CCDC69: variants seen among roughly 807,000 people sequenced by gnomAD.
The protein encoded by CCDC69 is coiled-coil domain containing 69, also known as coiled-coil domain-containing protein 69.
CCDC69 carries 38 observed loss-of-function variants against 40.3 expected under a neutral mutation model. The ratio of observed to expected loss-of-function variants is 0.94; its 90% CI spans 0.73 to 1.24. CCDC69 has a LOEUF of 1.24. Ranked by LOEUF, CCDC69 falls within the 50% of genes most tolerant of loss-of-function variation. CCDC69 has a pLI of 0.00. For missense variants in CCDC69, 389 were observed against 357.9 expected, an observed-to-expected ratio of 1.09 and a Z score of -0.70; for synonymous variants, 141 against 138.9, an observed-to-expected ratio of 1.02 and a Z score of -0.11.
chr5:151,213,892 T>G (rs1752993216), intron 1 of CCDC69, among the ~76,000 whole-genome samples: 1 of 152,216 alleles, frequency 6.6e-6, no homozygotes, highest in Non-Finnish European at 1.5e-5. Context: ...CCTGGCTTCC[T>G]CTGAGCATGT....
In CCDC69 at chr5:151,222,192, C is replaced by A. The variant is rs569709432; in HGVS notation, c.48+1731G>T. Among the ~76,000 whole-genome samples, 65 of 152,358 alleles carry A rather than the reference C, an allele frequency of 4.3e-4. No individual in the cohort carries two copies. In the Middle Eastern group the frequency reaches 0.014, roughly 32 times the overall value. On this transcript the variant is annotated intron_variant, in intron 1 of 8. Transcript: ENST00000355417. ...AGTCATGCTCCTTCCCTTTTCTAGG[C>A]CTTAACCTCCTATCTGTATAGTGGG...
chr5:151,182,850 C>G lies in CCDC69; in HGVS notation c.*587G>C, dbSNP rs906490578. ...GGGCCTTCAGAGACCCCCTCTCTAC[C>G]ACTCACCTTCCCCACTCTGATTTGC... is the stretch of plus-strand genomic sequence containing the variant. On this transcript the variant is annotated 3_prime_UTR_variant, in exon 9 of 9. Transcript: ENST00000355417. 21 of 355,760 alleles carry G rather than the reference C, an allele frequency of 5.9e-5. No individual in the cohort carries two copies. The highest frequency in any genetic ancestry group is 1.1e-4 in the Non-Finnish European group (19 of 179,164). 22.0% of individuals were successfully genotyped at this position (355,760 alleles called of 1,614,324 possible).
At chr5:151,192,170 G>A (rs1293124517) in intron 4 of CCDC69, among the ~76,000 whole-genome samples, 1 of 102,968 alleles carries the variant, frequency 9.7e-6, no homozygotes, top group African/African-American at 3.7e-5. Flanking sequence ...CAGAAGGAAG[G>A]AAATGAAAAT....
At chr5:151,220,003 T>TG (rs1254862131) in intron 1 of CCDC69, among the ~76,000 whole-genome samples, 1 of 152,116 alleles carries the variant, frequency 6.6e-6, no homozygotes, top group Non-Finnish European at 1.5e-5. Flanking sequence ...TGTGCTGCCT[T>TG]CTGGAACAAC....
chr5:151,197,307 C>G (rs1752713481), intron 4 of CCDC69, among the ~76,000 whole-genome samples: 1 of 152,118 alleles, frequency 6.6e-6, no homozygotes, highest in Non-Finnish European at 1.5e-5. Context: ...GTGGGCGGAT[C>G]ACTTGAGCCC....
intron 1 of CCDC69, among the ~76,000 whole-genome samples, chr5:151,207,430 T>C (rs1561603275): frequency 6.6e-6 from 1 of 152,158 alleles, no homozygotes; most frequent in South Asian, 2.1e-4. Context: ...TAGCTGGGAC[T>C]ACAGGCGCCC....
intron 6 of CCDC69, 129 bp from the exon 7 acceptor site, chr5:151,185,670 T>C (rs1057087659): frequency 6.7e-5 from 61 of 913,914 alleles, no homozygotes; most frequent in Middle Eastern, 2.5e-4. Flanking sequence ...AAGTGTTTAA[T>C]ATGCTTTATC....
intron 1 of CCDC69, among the ~76,000 whole-genome samples, chr5:151,220,354 T>C (rs1753116114): frequency 6.6e-6 from 1 of 152,174 alleles, no homozygotes; most frequent in Non-Finnish European, 1.5e-5. Context: ...ATGAGGAAAC[T>C]GAGGCATGGA....
At chr5:151,194,318 A>T (rs1752663849) in intron 4 of CCDC69, among the ~76,000 whole-genome samples, 1 of 152,272 alleles carries the variant, frequency 6.6e-6, no homozygotes, top group African/African-American at 2.4e-5. Flanking sequence ...TAAACAATGG[A>T]ATATAACTCC....
intron 2 of CCDC69, among the ~76,000 whole-genome samples, chr5:151,204,390 T>C (rs1752824902): frequency 6.6e-6 from 1 of 152,222 alleles, no homozygotes; most frequent in Non-Finnish European, 1.5e-5. Context: ...ACTTATGCGG[T>C]ACTTGAACTT....
intron 1 of CCDC69, among the ~76,000 whole-genome samples, chr5:151,220,176 T>G (rs1452121036): frequency 6.6e-6 from 1 of 152,188 alleles, no homozygotes; most frequent in Non-Finnish European, 1.5e-5. Flanking sequence ...GGGTACAATC[T>G]AGGCAGTGAT....
At chr5:151,186,888 G>A (rs1752527503) in intron 5 of CCDC69, among the ~76,000 whole-genome samples, 1 of 152,058 alleles carries the variant, frequency 6.6e-6, no homozygotes, top group African/African-American at 2.4e-5. Context: ...GACATCTTTC[G>A]GTTCCTCAGG....
intron 4 of CCDC69, among the ~76,000 whole-genome samples, chr5:151,192,032 C>T (rs1431738768): frequency 7.8e-6 from 1 of 128,232 alleles, no homozygotes; most frequent in Non-Finnish European, 1.6e-5. Flanking sequence ...CTGCCCTGAG[C>T]TATGATCATG....
intron 1 of CCDC69, among the ~76,000 whole-genome samples, chr5:151,218,090 T>C (rs1180717813): frequency 1.3e-5 from 2 of 152,182 alleles, no homozygotes; most frequent in East Asian, 3.9e-4. Context: ...GTTTTAGGTA[T>C]AGTACAGTGT....
intron 4 of CCDC69, among the ~76,000 whole-genome samples, chr5:151,190,363 TGTG>T (rs1264622557): frequency 6.6e-6 from 1 of 152,072 alleles, no homozygotes; most frequent in African/African-American, 2.4e-5. Flanking sequence ...TTCCATTAGA[TGTG>T]GTAAAATAGC....
In CCDC69 at chr5:151,199,047, A is replaced by G. The variant is rs1353189145; in HGVS notation, c.269T>C (p.Leu90Pro). ...TTCCAGGACCCTTTGCTGCTCATCCAGTCTGTCTCGAAGCTCTAGCTCCCT... is the reference window on the plus strand; with the variant it reads ...TTCCAGGACCCTTTGCTGCTCATCCGGTCTGTCTCGAAGCTCTAGCTCCCT... ...KERELELRDR[L>P]DEQQRVLEGK... Residue 90 changes from leucine (L) to proline (P), a missense_variant, in exon 4 of 9, where the codon CTG becomes CCG. Physicochemically the swap from Leu to Pro is moderately conservative, Grantham distance 98. Coordinates refer to ENST00000355417, the MANE Select transcript of CCDC69 (RefSeq NM_015621.3). The G allele has an allele frequency of 6.2e-7, 1 of 1,614,010 alleles. No homozygotes were observed. The highest frequency in any genetic ancestry group is 1.3e-5 in the African/African-American group (1 of 74,914).
intron 1 of CCDC69, among the ~76,000 whole-genome samples, chr5:151,220,405 T>A (rs1253587789): frequency 6.6e-6 from 1 of 152,216 alleles, no homozygotes; most frequent in Non-Finnish European, 1.5e-5. Flanking sequence ...GGATCTTCCA[T>A]GTAGTCAGGA....
intron 4 of CCDC69, among the ~76,000 whole-genome samples, chr5:151,195,415 G>A (rs1485976759): frequency 6.6e-6 from 1 of 152,050 alleles, no homozygotes; most frequent in African/African-American, 2.4e-5. Flanking sequence ...AACAGGGTAT[G>A]GTATTATTAA....
chr5:151,203,107 G>A lies in CCDC69; in HGVS notation c.125-1419C>T, dbSNP rs376951488. Among the ~76,000 whole-genome samples, 84 of 152,224 alleles carry A rather than the reference G, an allele frequency of 5.5e-4. 4 individuals carry two copies. The South Asian group carries it at 0.016, about 30-fold the overall frequency. On this transcript the variant is annotated intron_variant, in intron 2 of 8. Coordinates refer to ENST00000355417, the MANE Select transcript of CCDC69 (RefSeq NM_015621.3). ...GAGGCTCAGAGGAGTCATGCAACTT[G>A]TTCAAAGTCACCCAGTTCAAAATTA...
Sources: allele counts gnomAD v4.1 joint callset (sites outside exome capture counted in the v4.1 genomes callset), GRCh38; gene constraint gnomAD v4.1.1; transcripts MANE v1.5; gene names NCBI Gene and HGNC (gene_info 2026-07-23, HGNC 2026-07-21).